Variants in LRRK2 observed in about 807,000 individuals in gnomAD.
LRRK2 encodes leucine rich repeat kinase 2.
In LRRK2, 203 loss-of-function variants were observed where a neutral mutation model predicts 302.6. That is an observed-to-expected ratio of 0.67 (90% CI 0.60 to 0.75). The LOEUF (loss-of-function observed/expected upper bound fraction) is 0.75, where lower values mean the gene tolerates loss of function less well. LRRK2 is among the 30% of genes least tolerant of loss of function. The pLI, the probability that LRRK2 is intolerant of heterozygous loss-of-function variation, is 0.00. For missense variants in LRRK2, 2,830 were observed against 2,951.0 expected (o/e 0.96, Z 0.95); for synonymous variants, 1,066 against 1,031.9 (o/e 1.03, Z -0.63).
intron 11 of LRRK2, among the ~76,000 whole-genome samples, chr12:40,256,173 G>A (rs10784452): frequency 0.27 from 40,795 of 152,134 alleles, 5,740 homozygotes; most frequent in Middle Eastern, 0.41. Flanking sequence ...TTGGCCAGTT[G>A]TGGTGGCTCA....
At chr12:40,243,486 T>C in intron 6 of LRRK2, 64 bp from the exon 7 acceptor site, 3 of 1,575,348 alleles carry the variant, frequency 1.9e-6, no homozygotes, top group South Asian at 1.1e-5. Context: ...AAGACGTCTT[T>C]GTATGCATAT....
At chr12:40,264,929 C>A (rs1465933921) in intron 14 of LRRK2, among the ~76,000 whole-genome samples, 1 of 152,090 alleles carries the variant, frequency 6.6e-6, no homozygotes, top group African/African-American at 2.4e-5. Context: ...AGAATAAAGA[C>A]ATAATTAGTG....
chr12:40,302,830 T>C lies in LRRK2; in HGVS notation c.3538T>C (p.Leu1180=), dbSNP rs771537002. The change falls in exon 26 of 51, where the codon TTA becomes CTA. Residue 1180 remains leucine (L), a synonymous_variant. Transcript: ENST00000298910. The part of the protein sequence containing the change: ...FLPPSMTILK[L]SQNKFSCIPE... The stretch of plus-strand genomic sequence containing the variant: ...GCCTCCTTCTATGACAATCCTAAAA[T>C]TATCTCAGAACAAATTTTCCTGTAT... 6.2e-7 allele frequency: 1 copy of C among 1,611,560 alleles called. No homozygotes were observed. Among genetic ancestry groups the C allele is most frequent in the South Asian group, 1.1e-5 (1 of 90,982 alleles).
At chr12:40,256,713 A>T (rs1942528642) in intron 11 of LRRK2, among the ~76,000 whole-genome samples, 1 of 152,212 alleles carries the variant, frequency 6.6e-6, no homozygotes, top group South Asian at 2.1e-4. Context: ...GGCTGAAAGC[A>T]ACCAAGCCTT....
rs868145323 is a variant in LRRK2 at position 40,352,801 on chromosome 12, C to T, written c.6576+1068C>T. 3.9e-5 allele frequency among the ~76,000 whole-genome samples: 6 copies of T among 152,000 alleles called. No homozygotes were observed. The South Asian group carries it at 1.3e-3, about 32-fold the overall frequency. On this transcript the variant is annotated intron_variant, in intron 44 of 50. Transcript: ENST00000298910. ...GGGCAAGGTCATAGATCAACAGCAT[C>T]CCAAGGCAGAAGAATTTTTCTTAGT...
intron 49 of LRRK2, chr12:40,366,495 C>A (rs1040152176): frequency 1.3e-5 from 2 of 153,860 alleles, no homozygotes; most frequent in African/African-American, 4.8e-5. Context: ...CCCCTTTTTT[C>A]CCAGGATCTA....
Position 40,308,532 on chromosome 12 carries a change from A to G in LRRK2, c.4025A>G (p.Asn1342Ser). 6.2e-7 allele frequency: 1 copy of G among 1,614,036 alleles called. No homozygotes were observed. The highest frequency in any genetic ancestry group is 1.1e-5 in the South Asian group (1 of 91,074). Residue 1342 changes from asparagine to serine, a missense_variant, in exon 29 of 51, where the codon AAT (asparagine) becomes AGT (serine). Around this residue, in one of 3 missense-constraint regions of LRRK2, gnomAD observed 2,121 missense variants for 2,148.0 expected, o/e 0.99. Coordinates refer to ENST00000298910, the MANE Select transcript of LRRK2 (RefSeq NM_198578.4). Reference protein sequence around the residue: ...YNRMKLMIVGNTGSGKTTLLQ... With the variant: ...YNRMKLMIVGSTGSGKTTLLQ... Reference sequence around the variant, plus strand: ...CGAATGAAACTTATGATTGTGGGAAATACTGGGAGTGGTAAAACCACCTTA... The same window carrying G: ...CGAATGAAACTTATGATTGTGGGAAGTACTGGGAGTGGTAAAACCACCTTA...
intron 14 of LRRK2, among the ~76,000 whole-genome samples, chr12:40,272,169 G>A (rs1943258034): frequency 6.6e-6 from 1 of 152,160 alleles, no homozygotes; most frequent in Admixed American, 6.5e-5. Context: ...CTGTGAGCAT[G>A]AAGCCCTGTG....
chr12:40,354,727 G>T (rs1016364323), intron 45 of LRRK2, among the ~76,000 whole-genome samples: 11 of 152,020 alleles, frequency 7.2e-5, no homozygotes, highest in African/African-American at 2.7e-4. Flanking sequence ...TACCAGCCCT[G>T]CTCCTGGTAT....
chr12:40,268,073 T>G (rs559706697), intron 14 of LRRK2, among the ~76,000 whole-genome samples: 35 of 152,330 alleles, frequency 2.3e-4, no homozygotes, highest in African/African-American at 8.2e-4. Context: ...TTAAAATCTC[T>G]GTCTAGAACA....
intron 2 of LRRK2, among the ~76,000 whole-genome samples, chr12:40,231,137 A>G (rs985656399): frequency 6.6e-6 from 1 of 152,164 alleles, no homozygotes; most frequent in Non-Finnish European, 1.5e-5. Context: ...CATTCTGATA[A>G]CTTACATTTT....
At chr12:40,288,418 C>T (rs1371161837) in intron 20 of LRRK2, among the ~76,000 whole-genome samples, 1 of 151,758 alleles carries the variant, frequency 6.6e-6, no homozygotes, top group African/African-American at 2.4e-5. Flanking sequence ...ACATCCCCTT[C>T]CCCTGGCCCC....
Position 40,295,562 on chromosome 12 carries a change from G to T in LRRK2, c.3014G>T (p.Cys1005Phe), listed in dbSNP as rs762075901. Residue 1005 changes from cysteine to phenylalanine, a missense_variant, in exon 23 of 51, where the codon TGT (cysteine) becomes TTT (phenylalanine). By Grantham distance (205) the Cys-to-Phe change is radical. Transcript: ENST00000298910. ...ATTGATGCCCTAAGCCAGAAATGCT[G>T]TATAAGTGTTCATTTGGAGCATCTT... is the stretch of plus-strand genomic sequence containing the variant. ...RDIDALSQKC[C>F]ISVHLEHLEK... is the part of the protein sequence containing the mutation. The T allele has an allele frequency of 6.2e-7, 1 of 1,614,018 alleles. No homozygotes were observed. Among genetic ancestry groups the T allele is most frequent in the South Asian group, 1.1e-5 (1 of 91,080 alleles).
intron 4 of LRRK2, among the ~76,000 whole-genome samples, chr12:40,236,378 A>C (rs1941467062): frequency 6.6e-6 from 1 of 152,208 alleles, no homozygotes; most frequent in African/African-American, 2.4e-5. Flanking sequence ...TAAGAGGTAG[A>C]AACAGGGTCT....
chr12:40,285,081 C>T (rs999365104), intron 19 of LRRK2, among the ~76,000 whole-genome samples: 15 of 152,200 alleles, frequency 9.9e-5, no homozygotes, highest in Non-Finnish European at 1.9e-4. Context: ...TCAAACACTT[C>T]GTGTACCCTT....
chr12:40,272,177 G>A (rs1403424489), intron 14 of LRRK2, among the ~76,000 whole-genome samples: 1 of 152,170 alleles, frequency 6.6e-6, no homozygotes, highest in African/African-American at 2.4e-5. Flanking sequence ...ATGAAGCCCT[G>A]TGTGAAATAC....
At chr12:40,239,788 A>G (rs1234756649) in intron 5 of LRRK2, among the ~76,000 whole-genome samples, 1 of 151,500 alleles carries the variant, frequency 6.6e-6, no homozygotes, top group East Asian at 1.9e-4. Flanking sequence ...ACACTCTGGC[A>G]TAAAATTAAA....
intron 14 of LRRK2, among the ~76,000 whole-genome samples, chr12:40,271,872 T>C (rs928379344): frequency 4.6e-5 from 7 of 152,170 alleles, no homozygotes; most frequent in African/African-American, 7.2e-5. Context: ...TTAGTCATCA[T>C]TAACCTGTAC....
chr12:40,354,035 A>G (rs1404018266), intron 44 of LRRK2, among the ~76,000 whole-genome samples: 3 of 152,156 alleles, frequency 2.0e-5, no homozygotes, highest in Admixed American at 6.5e-5. Flanking sequence ...GAGAGGAACA[A>G]TCTTCTTATA....
Sources: allele counts gnomAD v4.1 joint callset (sites outside exome capture counted in the v4.1 genomes callset), GRCh38; gene constraint gnomAD v4.1.1; regional missense constraint gnomAD v4.1.1; transcripts MANE v1.5; gene names NCBI Gene and HGNC (gene_info 2026-07-23, HGNC 2026-07-21).